The following ZNF367 variants were observed in gnomAD, a reference collection of about 807,000 sequenced individuals.
ZNF367 encodes C2H2 zinc finger protein ZFF29.
A neutral mutation model predicts 31.8 loss-of-function variants in ZNF367; 11 were observed. That is an observed-to-expected ratio of 0.35 (90% CI 0.22 to 0.57). ZNF367 has a LOEUF of 0.57. Ranked by LOEUF, ZNF367 falls within the 20% of genes least tolerant of loss-of-function variation. The pLI, the probability that ZNF367 is intolerant of heterozygous loss-of-function variation, is 0.85. For synonymous variants in ZNF367, 199 were observed against 202.4 expected, an observed-to-expected ratio of 0.98 and a Z score of 0.14; for missense variants, 353 against 484.1, an observed-to-expected ratio of 0.73 and a Z score of 2.54.
intron 1 of ZNF367, 103 bp from the exon 2 acceptor site, chr9:96,398,417 G>A (rs1044071275): frequency 1.2e-4 from 130 of 1,052,740 alleles, no homozygotes; most frequent in Non-Finnish European, 1.6e-4. Flanking sequence ...GGAGCTGGGC[G>A]CAGCGGCACA....
intron 4 of ZNF367, among the ~76,000 whole-genome samples, chr9:96,388,900 CAG>C (rs934244357): frequency 4.9e-4 from 75 of 152,382 alleles, no homozygotes; most frequent in African/African-American, 1.7e-3. Context: ...ATCTGTGACA[CAG>C]AGTTTATTCA....
rs1406483506 is a variant in ZNF367 at position 96,402,289 on chromosome 9, G to A, written c.421-3975C>T. Among the ~76,000 whole-genome samples, 6 of 151,894 alleles carry A rather than the reference G, an allele frequency of 4.0e-5. No individual in the cohort carries two copies. The East Asian group carries it at 5.8e-4, about 15-fold the overall frequency. ...GAAAGAAAGAAACAAAAGAAAAGAA[G>A]AAAGAACTGTGAAAGGACAGAAAAA... On this transcript the variant is annotated intron_variant, in intron 1 of 4. Transcript: ENST00000375256.
At chr9:96,409,672 T>C (rs1461495966) in intron 1 of ZNF367, among the ~76,000 whole-genome samples, 2 of 152,230 alleles carry the variant, frequency 1.3e-5, no homozygotes, top group Non-Finnish European at 2.9e-5. Context: ...CTGGCCATGA[T>C]TGGTGGTCAT....
At position 96,417,769 on chromosome 9, in the gene ZNF367, C is replaced by T; in HGVS notation, c.264G>A (p.Gly88=). The T allele has an allele frequency of 1.6e-6, 2 of 1,240,874 alleles. No individual in the cohort carries two copies. Among genetic ancestry groups the T allele is most frequent in the Non-Finnish European group, 2.0e-6 (2 of 990,582 alleles). 76.9% of individuals were successfully genotyped at this position (1,240,874 alleles called of 1,614,324 possible). A position where few individuals can be genotyped will look rare whatever the true frequency, so the allele number is the denominator to read the frequency against. ...HNVTLSPGAA[G]AAASAALPAA... ...CAGGCAGGGCGGCCGAGGCGGCGGC[C>T]CCCGCGGCCCCAGGGCTGAGCGTCA... Residue 88 remains glycine (G), a synonymous_variant, in exon 1 of 5, where the codon GGG becomes GGA. Transcript: ENST00000375256. This position sits in a 1 kb window ranked among gnomAD's most constrained non-coding sequence, Gnocchi z 5.0.
intron 1 of ZNF367, among the ~76,000 whole-genome samples, chr9:96,404,550 G>A (rs898950497): frequency 1.3e-5 from 2 of 151,212 alleles, no homozygotes; most frequent in Admixed American, 6.6e-5. Context: ...CCGAGATCAC[G>A]CCACTGCACT....
chr9:96,410,565 A>AC (rs1202278052), intron 1 of ZNF367, among the ~76,000 whole-genome samples: 1 of 146,260 alleles, frequency 6.8e-6, no homozygotes, highest in African/African-American at 2.5e-5. Context: ...CCGTCTCAAA[A>AC]AAAAAAAAAA....
In ZNF367 at chr9:96,417,754, G is replaced by C; in HGVS notation, c.279C>G (p.Ala93=). Residue 93 remains alanine, a synonymous_variant, in exon 1 of 5, where the codon GCC becomes GCG. Coordinates refer to ENST00000375256, the MANE Select transcript of ZNF367 (RefSeq NM_153695.4). This position sits in a 1 kb window ranked among gnomAD's most constrained non-coding sequence, Gnocchi z 5.0. ...CGGCGGCTGCGGCTGCAGGCAGGGCGGCCGAGGCGGCGGCCCCCGCGGCCC... is the reference window on the plus strand; with the variant it reads ...CGGCGGCTGCGGCTGCAGGCAGGGCCGCCGAGGCGGCGGCCCCCGCGGCCC... ...SPGAAGAAAS[A]ALPAAAAAEH... The C allele has an allele frequency of 8.1e-7, 1 of 1,234,426 alleles. No homozygotes were observed. 76.5% of individuals were successfully genotyped at this position (1,234,426 alleles called of 1,614,324 possible). A position where few individuals can be genotyped will look rare whatever the true frequency, so the allele number is the denominator to read the frequency against.
Position 96,417,457 on chromosome 9 carries a change from GT to G in ZNF367, c.420+155del. On this transcript the variant is annotated intron_variant, in intron 1 of 4. Transcript: ENST00000375256. The surrounding 1 kb of genome is among the most constrained non-coding windows in gnomAD (Gnocchi z 5.0). ...GACAGGCCCCCCCCGACTGGGGCCG[GT>G]TTTTGGCGCGCGGCAGTGACGTCAG... is the stretch of plus-strand genomic sequence containing the variant. Among the ~76,000 whole-genome samples, 1 of 149,544 alleles carries G rather than the reference GT, an allele frequency of 6.7e-6. No individual in the cohort carries two copies. The highest frequency in any genetic ancestry group is 1.5e-5 in the Non-Finnish European group (1 of 67,534).
chr9:96,389,055 T>C (rs1587740537), intron 4 of ZNF367, among the ~76,000 whole-genome samples: 2 of 152,114 alleles, frequency 1.3e-5, no homozygotes, highest in African/African-American at 4.8e-5. Context: ...TCCTAGCACT[T>C]TGGGAGGCAA....
intron 1 of ZNF367, among the ~76,000 whole-genome samples, chr9:96,413,769 G>A (rs1443804980): frequency 1.3e-5 from 2 of 152,210 alleles, no homozygotes; most frequent in Non-Finnish European, 2.9e-5. Flanking sequence ...AGGCGAGGGA[G>A]GCAGTGTTGG....
intron 1 of ZNF367, 41 bp from the exon 2 acceptor site, chr9:96,398,355 C>A: frequency 6.4e-7 from 1 of 1,554,404 alleles, no homozygotes; most frequent in Non-Finnish European, 8.7e-7. Flanking sequence ...ATTTATTTAA[C>A]GCTACTCATT....
intron 2 of ZNF367, among the ~76,000 whole-genome samples, chr9:96,397,321 T>C: frequency 6.6e-6 from 1 of 152,152 alleles, no homozygotes; most frequent in East Asian, 1.9e-4. Context: ...TATACTTTTT[T>C]TTTTTGGCTC....
chr9:96,408,231 A>AT (rs969232331), intron 1 of ZNF367, among the ~76,000 whole-genome samples: 66 of 152,204 alleles, frequency 4.3e-4, no homozygotes, highest in Admixed American at 7.8e-4. Context: ...AATAATAAAT[A>AT]TTTTTTAAAA....
intron 1 of ZNF367, among the ~76,000 whole-genome samples, chr9:96,400,482 AAG>A (rs1831589495): frequency 6.6e-6 from 1 of 151,884 alleles, no homozygotes; most frequent in African/African-American, 2.4e-5. Context: ...AAAACCAACA[AAG>A]AGACAGAAAT....
In ZNF367 at chr9:96,392,627, G is replaced by A. The variant is rs1395555089; in HGVS notation, c.692-91C>T. On this transcript the variant is annotated intron_variant, in intron 3 of 4. Coordinates refer to ENST00000375256, the MANE Select transcript of ZNF367 (RefSeq NM_153695.4). ...TTCAGTTTCACTGGTATCCAGAAAA[G>A]TAAATTAATATGGTGAAATTTAGGA... 7 of 1,488,466 alleles carry A rather than the reference G, an allele frequency of 4.7e-6. No homozygotes were observed. The African/African-American group carries it at 8.4e-5, about 18-fold the overall frequency. 92.2% of individuals were successfully genotyped at this position (1,488,466 alleles called of 1,614,324 possible).
chr9:96,388,047 T>C lies in ZNF367; in HGVS notation c.*190A>G, dbSNP rs917174022. 7 of 582,902 alleles carry C rather than the reference T, an allele frequency of 1.2e-5. No individual in the cohort carries two copies. The highest frequency in any genetic ancestry group is 2.1e-5 in the Non-Finnish European group (7 of 337,816). The allele number at this position is 582,902 out of a possible 1,614,324, so 36.1% of individuals were successfully genotyped here. ...TTACAAAATATTTTAAACTTTACGA[T>C]GAATTCATTTCCATATTAAAAAAGT... On this transcript the variant is annotated 3_prime_UTR_variant, in exon 5 of 5. Transcript: ENST00000375256.
chr9:96,410,551 G>A lies in ZNF367; in HGVS notation c.420+7062C>T, dbSNP rs1345890917. Among the ~76,000 whole-genome samples, 41 of 112,548 alleles carry A rather than the reference G, an allele frequency of 3.6e-4. 1 individual carries two copies. The highest frequency in any genetic ancestry group is 6.4e-4 in the Admixed American group (6 of 9,348). The allele number at this position is 112,548 out of a possible 152,430, so 73.8% of individuals were successfully genotyped here. A position where few individuals can be genotyped will look rare whatever the true frequency, so the allele number is the denominator to read the frequency against. On this transcript the variant is annotated intron_variant, in intron 1 of 4. Transcript: ENST00000375256. The stretch of plus-strand genomic sequence containing the variant: ...CACTCCAGCCTGGGCAACAGAGAGA[G>A]ACTCCGTCTCAAAAAAAAAAAAAAA...
chr9:96,390,035 C>G (rs1831452226), intron 4 of ZNF367, among the ~76,000 whole-genome samples: 1 of 151,454 alleles, frequency 6.6e-6, no homozygotes, highest in African/African-American at 2.4e-5. Flanking sequence ...GCCTAGGCCT[C>G]CCAAAGTGCT....
intron 2 of ZNF367, among the ~76,000 whole-genome samples, chr9:96,396,746 C>A (rs1237333852): frequency 6.6e-6 from 1 of 152,000 alleles, no homozygotes; most frequent in African/African-American, 2.4e-5. Flanking sequence ...TGGCTCACCG[C>A]AACCTCCACC....
Sources: gnomAD v4.1 joint callset for allele counts (sites outside exome capture counted in the v4.1 genomes callset) on GRCh38, gnomAD v4.1.1 for gene constraint, Gnocchi (gnomAD v3.1) non-coding constraint, MANE v1.5 for transcripts, NCBI Gene and HGNC (gene_info 2026-07-23, HGNC 2026-07-21) for gene names.